Variants in CDCP1 observed in about 807,000 individuals in gnomAD.
CDCP1 encodes CUB domain containing protein 1, also known as CUB domain-containing protein 1.
CDCP1 carries 29 observed loss-of-function variants against 60.2 expected under a neutral mutation model. That is an observed-to-expected ratio of 0.48 (90% CI 0.36 to 0.66). The LOEUF (loss-of-function observed/expected upper bound fraction) is 0.66, where lower values mean the gene tolerates loss of function less well. CDCP1 is among the 30% of genes least tolerant of loss of function. The probability of loss-of-function intolerance (pLI) is 0.00; values close to 1 mark genes in which losing one functional copy is unlikely to be tolerated. For missense variants in CDCP1, 876 were observed against 1,074.3 expected, an observed-to-expected ratio of 0.82 and a Z score of 2.58; for synonymous variants, 387 against 431.1, an observed-to-expected ratio of 0.90 and a Z score of 1.27.
At chr3:45,097,299 T>A (rs1412596388) in intron 4 of CDCP1, among the ~76,000 whole-genome samples, 1 of 147,768 alleles carries the variant, frequency 6.8e-6, no homozygotes. Flanking sequence ...AGAGCAAGAC[T>A]CTGTCTCCAA....
Position 45,110,537 on chromosome 3 carries a change from G to A in CDCP1, c.960C>T (p.Ala320=). Residue 320 remains alanine, a synonymous_variant, in exon 4 of 9, where the codon GCC becomes GCT. Transcript: ENST00000296129. ...GCAGCCGGAGGATCCCTGGACTTTG[G>A]GCATCTTGGTCACAGCCTTGCAGAG... ...NLSLQGCDQD[A]QSPGILRLQF... 1.2e-6 allele frequency: 2 copies of A among 1,614,156 alleles called. No individual in the cohort carries two copies. Among genetic ancestry groups the A allele is most frequent in the African/African-American group, 1.3e-5 (1 of 75,030 alleles).
chr3:45,086,330 T>C (rs904033339), intron 8 of CDCP1, among the ~76,000 whole-genome samples: 2 of 152,236 alleles, frequency 1.3e-5, no homozygotes, highest in Admixed American at 1.3e-4. Flanking sequence ...CCTCTATCAC[T>C]ATCTGTGCTC....
intron 2 of CDCP1, among the ~76,000 whole-genome samples, chr3:45,116,326 A>C (rs913076159): frequency 2.0e-5 from 3 of 151,880 alleles, no homozygotes; most frequent in Admixed American, 6.6e-5. Context: ...GCAAAGCATC[A>C]CATTAACTGA....
At chr3:45,086,768 T>C (rs1214506416) in intron 8 of CDCP1, among the ~76,000 whole-genome samples, 2 of 152,254 alleles carry the variant, frequency 1.3e-5, no homozygotes, top group East Asian at 3.8e-4. Flanking sequence ...CTTTGGTACT[T>C]GGACCTGCAT....
At chr3:45,097,316 A>G (rs1436653926) in intron 4 of CDCP1, among the ~76,000 whole-genome samples, 1 of 151,106 alleles carries the variant, frequency 6.6e-6, no homozygotes, top group Admixed American at 6.6e-5. Flanking sequence ...CCAAAAAAAA[A>G]AGAAAGAAAG....
chr3:45,112,413 C>A lies in CDCP1; in HGVS notation c.325G>T (p.Val109Phe). 1 of 1,614,160 alleles carries A rather than the reference C, an allele frequency of 6.2e-7. No individual in the cohort carries two copies. Residue 109 changes from valine (V) to phenylalanine (F), a missense_variant, in exon 3 of 9, where the codon GTT becomes TTT. Physicochemically the swap from Val to Phe is conservative, Grantham distance 50. This residue lies in a region of CDCP1 where 150 missense variants were observed against 138.6 expected (regional missense o/e 1.08). Transcript: ENST00000296129. Reference sequence around the variant, plus strand: ...AACGATGTCGAGGGCTGAAGCTGAACCTCCCCAAAAGGACATGGGCCTGAC... The same window carrying A: ...AACGATGTCGAGGGCTGAAGCTGAAACTCCCCAAAAGGACATGGGCCTGAC... ...CMSGPCPFGE[V>F]QLQPSTSLLP... is the part of the protein sequence containing the mutation.
intron 4 of CDCP1, among the ~76,000 whole-genome samples, chr3:45,099,507 G>C (rs2372860): frequency 0.06 from 9,056 of 152,000 alleles, 433 homozygotes; most frequent in East Asian, 0.25. Flanking sequence ...ATTGTGTGTG[G>C]TGGCCCCTTC....
chr3:45,108,081 C>T (rs918173166), intron 4 of CDCP1, among the ~76,000 whole-genome samples: 7 of 151,538 alleles, frequency 4.6e-5, no homozygotes, highest in South Asian at 4.2e-4. Context: ...GCCGAGATCA[C>T]GCCACTGCAC....
At chr3:45,108,787 A>T (rs1476117596) in intron 4 of CDCP1, among the ~76,000 whole-genome samples, 1 of 34,716 alleles carries the variant, frequency 2.9e-5, no homozygotes, top group Non-Finnish European at 6.6e-5. Context: ...ATACATATAT[A>T]TGCATGTATA....
chr3:45,109,899 C>T (rs1343810892), intron 4 of CDCP1, among the ~76,000 whole-genome samples: 2 of 152,192 alleles, frequency 1.3e-5, no homozygotes, highest in Non-Finnish European at 2.9e-5. Flanking sequence ...AGAGCACAGG[C>T]TCAGGGTTCT....
chr3:45,128,053 G>C lies in CDCP1; in HGVS notation c.83-9432C>G, dbSNP rs899040227. Among the ~76,000 whole-genome samples the C allele has an allele frequency of 4.6e-5, 7 of 152,188 alleles. No individual in the cohort carries two copies. The South Asian group carries it at 1.4e-3, about 32-fold the overall frequency. ...GCTACAAGAACTTGCCTGCCATTCTGCCATTATAGGCTCTCCAAAGGAAAG... is the reference window on the plus strand; with the variant it reads ...GCTACAAGAACTTGCCTGCCATTCTCCCATTATAGGCTCTCCAAAGGAAAG... On this transcript the variant is annotated intron_variant, in intron 1 of 8. Coordinates refer to ENST00000296129, the MANE Select transcript of CDCP1 (RefSeq NM_022842.5).
chr3:45,124,623 G>T (rs1698944982), intron 1 of CDCP1, among the ~76,000 whole-genome samples: 1 of 152,192 alleles, frequency 6.6e-6, no homozygotes, highest in South Asian at 2.1e-4. Flanking sequence ...TTAGGAAGAG[G>T]TCACATTGCA....
At chr3:45,126,139 T>C (rs937817250) in intron 1 of CDCP1, among the ~76,000 whole-genome samples, 1 of 139,360 alleles carries the variant, frequency 7.2e-6, no homozygotes, top group African/African-American at 2.9e-5. Flanking sequence ...TCTTTCTTTC[T>C]TTCTTTCTTT....
At chr3:45,129,409 C>T (rs1576115871) in intron 1 of CDCP1, among the ~76,000 whole-genome samples, 1 of 152,326 alleles carries the variant, frequency 6.6e-6, no homozygotes, top group East Asian at 1.9e-4. Context: ...TAATAACAGA[C>T]TTTGAACACG....
intron 1 of CDCP1, among the ~76,000 whole-genome samples, chr3:45,127,494 T>C (rs1389437254): frequency 1.3e-5 from 2 of 152,254 alleles, no homozygotes; most frequent in Non-Finnish European, 1.5e-5. Flanking sequence ...AAGCATGCTA[T>C]AGAAGCCCTG....
intron 1 of CDCP1, among the ~76,000 whole-genome samples, chr3:45,140,836 C>A (rs1469288918): frequency 6.6e-6 from 1 of 152,228 alleles, no homozygotes; most frequent in African/African-American, 2.4e-5. Flanking sequence ...ACATCTCCAA[C>A]CTCAACACAT....
At chr3:45,109,508 C>T (rs562363246) in intron 4 of CDCP1, among the ~76,000 whole-genome samples, 108 of 152,238 alleles carry the variant, frequency 7.1e-4, no homozygotes, top group African/African-American at 2.2e-3. Flanking sequence ...TAGCAACACA[C>T]ATCAGAAATG....
intron 4 of CDCP1, among the ~76,000 whole-genome samples, chr3:45,103,771 C>CT (rs759468847): frequency 2.0e-5 from 3 of 152,202 alleles, no homozygotes; most frequent in Non-Finnish European, 4.4e-5. Flanking sequence ...CACTCCTCTG[C>CT]TATATTATGG....
intron 4 of CDCP1, among the ~76,000 whole-genome samples, chr3:45,104,483 G>A (rs879759501): frequency 6.6e-6 from 1 of 152,182 alleles, no homozygotes; most frequent in African/African-American, 2.4e-5. Context: ...ACAGATGGGT[G>A]TTTTAAATGT....
Sources: gnomAD v4.1 joint callset for allele counts (sites outside exome capture counted in the v4.1 genomes callset) on GRCh38, gnomAD v4.1.1 for gene constraint, gnomAD v4.1.1 regional missense constraint, MANE v1.5 for transcripts, NCBI Gene and HGNC (gene_info 2026-07-23, HGNC 2026-07-21) for gene names.